The following FER variants were observed in gnomAD, a reference collection of about 807,000 sequenced individuals.
The protein encoded by FER is FER tyrosine kinase, also known as tyrosine-protein kinase Fer.
In FER, 63 loss-of-function variants were observed where a neutral mutation model predicts 111.0. The ratio of observed to expected loss-of-function variants is 0.57; its 90% CI spans 0.46 to 0.70. The LOEUF (loss-of-function observed/expected upper bound fraction) is 0.70, where lower values mean the gene tolerates loss of function less well. FER is among the 30% of genes least tolerant of loss of function. The probability of loss-of-function intolerance (pLI) is 0.00; values close to 1 mark genes in which losing one functional copy is unlikely to be tolerated. For missense variants in FER, 914 were observed against 954.0 expected, an observed-to-expected ratio of 0.96 and a Z score of 0.55; for synonymous variants, 327 against 313.9, an observed-to-expected ratio of 1.04 and a Z score of -0.44.
intron 17 of FER, among the ~76,000 whole-genome samples, chr5:109,173,531 G>C (rs1472407227): frequency 6.6e-6 from 1 of 152,162 alleles, no homozygotes; most frequent in African/African-American, 2.4e-5. Flanking sequence ...TCCCCACCCA[G>C]TGCTCTGTCA....
intron 3 of FER, among the ~76,000 whole-genome samples, chr5:108,810,559 G>A (rs78873530): frequency 0.012 from 1,887 of 152,286 alleles, 35 homozygotes; most frequent in African/African-American, 0.043. Flanking sequence ...TTCTTTGCCC[G>A]GGGAGGGAGA....
intron 5 of FER, among the ~76,000 whole-genome samples, chr5:108,862,420 CTG>C (rs1561528618): frequency 6.6e-6 from 1 of 152,058 alleles, no homozygotes; most frequent in East Asian, 1.9e-4. Context: ...GTTTAAATAT[CTG>C]TGCAAATGAG....
intron 10 of FER, among the ~76,000 whole-genome samples, chr5:108,928,159 C>A (rs1237546419): frequency 6.6e-6 from 1 of 152,190 alleles, no homozygotes; most frequent in Non-Finnish European, 1.5e-5. Flanking sequence ...AAGGTGCTTG[C>A]TCCCAAATGC....
chr5:108,749,460 C>T (rs1750198066), intron 1 of FER, among the ~76,000 whole-genome samples: 3 of 152,118 alleles, frequency 2.0e-5, no homozygotes, highest in Admixed American at 1.3e-4. Context: ...ACCCTCACCC[C>T]TTTTCTCGGC....
At chr5:109,032,683 T>C (rs576958389) in intron 13 of FER, among the ~76,000 whole-genome samples, 1 of 152,326 alleles carries the variant, frequency 6.6e-6, no homozygotes, top group South Asian at 2.1e-4. Flanking sequence ...TAAGTATTAT[T>C]TGCTTAGGCA....
chr5:109,178,247 T>A (rs1757917154), intron 17 of FER, among the ~76,000 whole-genome samples: 1 of 152,226 alleles, frequency 6.6e-6, no homozygotes, highest in Non-Finnish European at 1.5e-5. Flanking sequence ...TCCACTCACT[T>A]GAACTTAATG....
At chr5:108,786,323 T>A (rs1189098526) in intron 2 of FER, among the ~76,000 whole-genome samples, 2 of 152,224 alleles carry the variant, frequency 1.3e-5, no homozygotes, top group African/African-American at 4.8e-5. Flanking sequence ...ACTCTCTGCC[T>A]GCTTCTTTTC....
chr5:108,922,218 A>C (rs1753117991), intron 10 of FER, among the ~76,000 whole-genome samples: 1 of 152,234 alleles, frequency 6.6e-6, no homozygotes, highest in Admixed American at 6.5e-5. Context: ...TCTGGCCTCC[A>C]GAACTGTAGG....
intron 16 of FER, among the ~76,000 whole-genome samples, chr5:109,071,645 T>C (rs1436310519): frequency 6.6e-6 from 1 of 151,942 alleles, no homozygotes; most frequent in Non-Finnish European, 1.5e-5. Context: ...TTTAGAAAGC[T>C]AACAAAATTT....
At chr5:109,064,951 G>A (rs943366731) in intron 16 of FER, among the ~76,000 whole-genome samples, 1 of 152,102 alleles carries the variant, frequency 6.6e-6, no homozygotes, top group East Asian at 1.9e-4. Flanking sequence ...GATGAACAAA[G>A]TTTAATGTAA....
chr5:109,131,802 A>G (rs1353197199), intron 17 of FER, among the ~76,000 whole-genome samples: 1 of 152,114 alleles, frequency 6.6e-6, no homozygotes, highest in East Asian at 1.9e-4. Context: ...GCTCTTAGCT[A>G]ATAGTTTTGT....
At chr5:108,940,666 T>C (rs1366793584) in intron 10 of FER, among the ~76,000 whole-genome samples, 2 of 152,044 alleles carry the variant, frequency 1.3e-5, no homozygotes, top group Non-Finnish European at 2.9e-5. Context: ...TAGAGGAGCC[T>C]AACCCACAGA....
chr5:109,022,563 G>A (rs1768074604), intron 13 of FER, among the ~76,000 whole-genome samples: 1 of 152,050 alleles, frequency 6.6e-6, no homozygotes, highest in Non-Finnish European at 1.5e-5. Flanking sequence ...GACTTGATAT[G>A]TAAGTTTTAC....
chr5:108,799,806 G>C (rs562870689), intron 3 of FER, among the ~76,000 whole-genome samples: 3 of 151,052 alleles, frequency 2.0e-5, no homozygotes, highest in South Asian at 4.2e-4. Flanking sequence ...GAGTCCAAAG[G>C]CTTTCTGCTT....
At chr5:109,065,995 G>C (rs1351612522) in intron 16 of FER, among the ~76,000 whole-genome samples, 1 of 152,182 alleles carries the variant, frequency 6.6e-6, no homozygotes, top group East Asian at 1.9e-4. Flanking sequence ...CAAAATGAAA[G>C]ATTTTGTATA....
intron 17 of FER, among the ~76,000 whole-genome samples, chr5:109,101,889 T>A (rs775866787): frequency 1.3e-5 from 2 of 152,140 alleles, no homozygotes; most frequent in Non-Finnish European, 2.9e-5. Flanking sequence ...CTCTGGTAAT[T>A]ACTCCTTTTG....
chr5:108,965,365 A>G (rs1156534486), intron 13 of FER, among the ~76,000 whole-genome samples: 1 of 152,144 alleles, frequency 6.6e-6, no homozygotes, highest in African/African-American at 2.4e-5. Flanking sequence ...CTGTAGTTAT[A>G]TGGTGGAAAC....
At chr5:108,933,079 C>A (rs1754924795) in intron 10 of FER, among the ~76,000 whole-genome samples, 1 of 152,224 alleles carries the variant, frequency 6.6e-6, no homozygotes, top group East Asian at 1.9e-4. Context: ...TTTTGCTGTG[C>A]AAAAGCTCCT....
chr5:108,935,720 G>A (rs1755370441), intron 10 of FER, among the ~76,000 whole-genome samples: 1 of 152,014 alleles, frequency 6.6e-6, no homozygotes. Context: ...TTCTCTGTGA[G>A]TCATAATATT....
Sources: allele counts gnomAD v4.1 joint callset (sites outside exome capture counted in the v4.1 genomes callset), GRCh38; gene constraint gnomAD v4.1.1; transcripts MANE v1.5; gene names NCBI Gene and HGNC (gene_info 2026-07-23, HGNC 2026-07-21).